ADAMTS17: variants seen among roughly 807,000 people sequenced by gnomAD.
ADAMTS17 encodes the protein A disintegrin and metalloproteinase with thrombospondin motifs 17.
In ADAMTS17, 113 loss-of-function variants were observed where a neutral mutation model predicts 141.5. The ratio of observed to expected loss-of-function variants is 0.80; its 90% CI spans 0.69 to 0.93. The LOEUF is 0.93. Among genes scored for constraint, ADAMTS17 ranks in the 40% least tolerant of loss-of-function variants. The probability of loss-of-function intolerance (pLI) is 0.00; values close to 1 mark genes in which losing one functional copy is unlikely to be tolerated. For synonymous variants in ADAMTS17, 768 were observed against 630.6 expected, an observed-to-expected ratio of 1.22 and a Z score of -3.27; for missense variants, 1,659 against 1,517.9, an observed-to-expected ratio of 1.09 and a Z score of -1.54.
At chr15:100,151,244 A>C (rs540933454) in intron 10 of ADAMTS17, among the ~76,000 whole-genome samples, 2 of 152,318 alleles carry the variant, frequency 1.3e-5, no homozygotes, top group South Asian at 4.1e-4. Context: ...CAGAAGCAGC[A>C]CTACAGTGTG....
rs149017334 is a variant in ADAMTS17, at chr15:100,031,978, C to T, written c.2591+16879G>A. Reference sequence around the variant, plus strand: ...GGAAGACTAAAGAAACAGAGTCACACAGACCATACAGGAATGACGGAGGTG... The same window carrying T: ...GGAAGACTAAAGAAACAGAGTCACATAGACCATACAGGAATGACGGAGGTG... On this transcript the variant is annotated intron_variant, in intron 18 of 21. Coordinates refer to ENST00000268070, the MANE Select transcript of ADAMTS17 (RefSeq NM_139057.4). Among the ~76,000 whole-genome samples, 163 of 152,322 alleles carry T rather than the reference C, an allele frequency of 1.1e-3. 1 individual carries two copies. Among genetic ancestry groups the T allele is most frequent in the Middle Eastern group, 6.8e-3 (2 of 294 alleles).
chr15:100,146,066 G>C (rs58662970), intron 10 of ADAMTS17, among the ~76,000 whole-genome samples: 5 of 152,118 alleles, frequency 3.3e-5, no homozygotes, highest in Admixed American at 2.6e-4. Context: ...ACAGCTACTC[G>C]GGAGGCTGAG....
At chr15:100,328,895 C>G (rs963052805) in intron 3 of ADAMTS17, among the ~76,000 whole-genome samples, 1 of 152,104 alleles carries the variant, frequency 6.6e-6, no homozygotes, top group Non-Finnish European at 1.5e-5. Flanking sequence ...ACACATCTGT[C>G]CTTTGTTTCG....
At chr15:100,220,089 A>G (rs914546280) in intron 7 of ADAMTS17, among the ~76,000 whole-genome samples, 1 of 152,140 alleles carries the variant, frequency 6.6e-6, no homozygotes, top group African/African-American at 2.4e-5. Context: ...ATGAAGTCTC[A>G]TCACCAATCC....
At position 100,163,603 on chromosome 15, in the gene ADAMTS17, A is replaced by C. The variant is rs142664896; in HGVS notation, c.1182-8283T>G. Reference sequence around the variant, plus strand: ...TGGCCTCAAGTGATCCTCCTGTCTCAGCTTCCCAAGTAGCTGGGATTACAG... The same window carrying C: ...TGGCCTCAAGTGATCCTCCTGTCTCCGCTTCCCAAGTAGCTGGGATTACAG... On this transcript the variant is annotated intron_variant, in intron 8 of 21. Transcript: ENST00000268070. Among the ~76,000 whole-genome samples the C allele has an allele frequency of 4.3e-3, 653 of 152,312 alleles. 2 individuals are homozygous for C. Among genetic ancestry groups the C allele is most frequent in the Middle Eastern group, 6.8e-3 (2 of 294 alleles).
chr15:100,234,210 A>T (rs757363909), intron 7 of ADAMTS17, among the ~76,000 whole-genome samples: 2 of 152,208 alleles, frequency 1.3e-5, no homozygotes, highest in African/African-American at 2.4e-5. Flanking sequence ...AGAAGTGTGT[A>T]TCGGGCACCT....
At chr15:100,203,172 T>C (rs2041403004) in intron 7 of ADAMTS17, among the ~76,000 whole-genome samples, 1 of 152,174 alleles carries the variant, frequency 6.6e-6, no homozygotes, top group Admixed American at 6.5e-5. Context: ...ACTACACCCC[T>C]GACAACAAGC....
intron 20 of ADAMTS17, among the ~76,000 whole-genome samples, chr15:99,986,264 T>C (rs1350961315): frequency 2.0e-5 from 3 of 152,230 alleles, no homozygotes; most frequent in African/African-American, 4.8e-5. Flanking sequence ...GGTTCGTTCA[T>C]TGTTAAGGTC....
intron 11 of ADAMTS17, 120 bp from the exon 12 acceptor site, chr15:100,132,272 A>G (rs2038091972): frequency 1.5e-6 from 2 of 1,359,866 alleles, no homozygotes; most frequent in Non-Finnish European, 1.0e-6. Context: ...ATAAAGGTAC[A>G]GTCTATTTCA....
At chr15:100,288,531 C>T (rs961786996) in intron 3 of ADAMTS17, among the ~76,000 whole-genome samples, 1 of 152,170 alleles carries the variant, frequency 6.6e-6, no homozygotes, top group Non-Finnish European at 1.5e-5. Context: ...CAGACAACTA[C>T]AAAACTCTCC....
chr15:100,125,282 T>C (rs1440018320), intron 12 of ADAMTS17, among the ~76,000 whole-genome samples: 1 of 152,252 alleles, frequency 6.6e-6, no homozygotes, highest in East Asian at 1.9e-4. Flanking sequence ...GTAACACATG[T>C]AACTTATGCT....
chr15:100,234,520 C>T (rs1044553839), intron 7 of ADAMTS17, among the ~76,000 whole-genome samples: 1 of 152,198 alleles, frequency 6.6e-6, no homozygotes, highest in Non-Finnish European at 1.5e-5. Flanking sequence ...CCTGCTTTTC[C>T]AATTCCCTCC....
chr15:100,090,675 T>C (rs1229470860), intron 15 of ADAMTS17, among the ~76,000 whole-genome samples: 1 of 152,138 alleles, frequency 6.6e-6, no homozygotes, highest in Non-Finnish European at 1.5e-5. Context: ...ATGCATGCGC[T>C]CTGCTAACCG....
intron 12 of ADAMTS17, among the ~76,000 whole-genome samples, chr15:100,122,840 T>C (rs2037517849): frequency 6.6e-6 from 1 of 152,186 alleles, no homozygotes; most frequent in African/African-American, 2.4e-5. Flanking sequence ...GAGTTGGTCT[T>C]GCTGTCTCAG....
At chr15:100,149,665 T>C (rs2039072519) in intron 10 of ADAMTS17, among the ~76,000 whole-genome samples, 1 of 152,116 alleles carries the variant, frequency 6.6e-6, no homozygotes, top group Non-Finnish European at 1.5e-5. Context: ...TGTGGTCCAA[T>C]CCTAGCCAAA....
chr15:100,145,553 G>A (rs1222324358), intron 10 of ADAMTS17, among the ~76,000 whole-genome samples: 1 of 152,100 alleles, frequency 6.6e-6, no homozygotes, highest in South Asian at 2.1e-4. Flanking sequence ...GAGAAAACTG[G>A]ACCATTAGTA....
intron 15 of ADAMTS17, among the ~76,000 whole-genome samples, chr15:100,093,789 C>T (rs2035606596): frequency 6.6e-6 from 1 of 152,132 alleles, no homozygotes. Flanking sequence ...CCGGGGGTCC[C>T]CTCCCTCGAC....
At chr15:100,089,232 A>G (rs1479823005) in intron 15 of ADAMTS17, among the ~76,000 whole-genome samples, 2 of 141,128 alleles carry the variant, frequency 1.4e-5, no homozygotes, top group Non-Finnish European at 3.0e-5. Flanking sequence ...AACACATGAA[A>G]AAATGCTCAT....
intron 10 of ADAMTS17, among the ~76,000 whole-genome samples, chr15:100,142,336 TGGACACGGGAAA>T (rs1179367578): frequency 6.6e-6 from 1 of 152,120 alleles, no homozygotes; most frequent in Non-Finnish European, 1.5e-5. Context: ...GTAGAGGTAC[TGGACACGGGAAA>T]GCAATCCCTG....
Sources: gnomAD v4.1 joint callset for allele counts (sites outside exome capture counted in the v4.1 genomes callset) on GRCh38, gnomAD v4.1.1 for gene constraint, MANE v1.5 for transcripts, NCBI Gene and HGNC (gene_info 2026-07-23, HGNC 2026-07-21) for gene names.